Variants in SORCS3 observed in about 807,000 individuals in gnomAD.
SORCS3 encodes the protein sortilin related VPS10 domain containing receptor 3.
In SORCS3, 57 loss-of-function variants were observed where a neutral mutation model predicts 146.3. The ratio of observed to expected loss-of-function variants is 0.39; its 90% CI spans 0.31 to 0.49. The LOEUF is 0.49. SORCS3 is among the 20% of genes least tolerant of loss of function. The probability of loss-of-function intolerance (pLI) is 0.92; values close to 1 mark genes in which losing one functional copy is unlikely to be tolerated. For synonymous variants in SORCS3, 653 were observed against 618.5 expected, an observed-to-expected ratio of 1.06 and a Z score of -0.83; for missense variants, 1,341 against 1,575.5, an observed-to-expected ratio of 0.85 and a Z score of 2.52.
chr10:104,689,796 T>G (rs1304729917), intron 1 of SORCS3, among the ~76,000 whole-genome samples: 1 of 152,136 alleles, frequency 6.6e-6, no homozygotes, highest in African/African-American at 2.4e-5. Context: ...CAGTGAGGCA[T>G]GGAGAACAGA....
chr10:104,968,118 A>T (rs1209478213), intron 3 of SORCS3, among the ~76,000 whole-genome samples: 1 of 152,100 alleles, frequency 6.6e-6, no homozygotes, highest in Non-Finnish European at 1.5e-5. Context: ...ATGAGATAAC[A>T]GACTTGGGAT....
chr10:104,831,704 C>T (rs1057372084), intron 1 of SORCS3, among the ~76,000 whole-genome samples: 1 of 152,188 alleles, frequency 6.6e-6, no homozygotes, highest in East Asian at 1.9e-4. Context: ...TTTTGGGCAA[C>T]AACCTAGATA....
chr10:104,794,538 C>T (rs1161333609), intron 1 of SORCS3, among the ~76,000 whole-genome samples: 2 of 149,126 alleles, frequency 1.3e-5, no homozygotes, highest in Non-Finnish European at 3.0e-5. Flanking sequence ...GAAGAGCCTC[C>T]ATCAGAAGGA....
intron 1 of SORCS3, among the ~76,000 whole-genome samples, chr10:104,666,578 A>G (rs1404163840): frequency 6.6e-6 from 1 of 152,122 alleles, no homozygotes. Flanking sequence ...CTTCAGGGAA[A>G]TGGAATAATT....
chr10:104,708,617 G>A (rs910996432), intron 1 of SORCS3, among the ~76,000 whole-genome samples: 10 of 152,094 alleles, frequency 6.6e-5, no homozygotes, highest in Non-Finnish European at 2.9e-5. Flanking sequence ...TGGGGAGTTG[G>A]GTCATAAATC....
chr10:104,781,892 C>G (rs1315732786), intron 1 of SORCS3, among the ~76,000 whole-genome samples: 1 of 152,204 alleles, frequency 6.6e-6, no homozygotes, highest in Non-Finnish European at 1.5e-5. Flanking sequence ...GTTCTGCCAT[C>G]ATTTGCTCAC....
chr10:104,686,029 G>A (rs542363497), intron 1 of SORCS3, among the ~76,000 whole-genome samples: 1 of 152,326 alleles, frequency 6.6e-6, no homozygotes, highest in East Asian at 1.9e-4. Flanking sequence ...TGGGGTGGGA[G>A]AGAGGGAGCT....
chr10:104,795,743 A>G (rs1344092950), intron 1 of SORCS3, among the ~76,000 whole-genome samples: 1 of 152,224 alleles, frequency 6.6e-6, no homozygotes. Context: ...GAGACCAGAG[A>G]TGATGGGAGC....
At chr10:105,105,309 C>A in intron 6 of SORCS3, 88 bp from the exon 7 acceptor site, 1 of 726,214 alleles carries the variant, frequency 1.4e-6, no homozygotes, top group South Asian at 1.7e-5. Context: ...CTTGTTGATT[C>A]CCCCATGAAG....
rs148419822 is a variant in SORCS3 at position 105,019,632 on chromosome 10, A to G, written c.955-23423A>G. Among the ~76,000 whole-genome samples, 172 of 152,202 alleles carry G rather than the reference A, an allele frequency of 1.1e-3. 1 individual carries two copies. Among genetic ancestry groups the G allele is most frequent in the African/African-American group, 4.0e-3 (166 of 41,512 alleles). ...TTCCTCTCTTCCTTTCATCTAATCA[A>G]TGTTAAGCGTGGCTATTTATCAAGT... On this transcript the variant is annotated intron_variant, in intron 4 of 26. Transcript: ENST00000369701.
Position 105,073,184 on chromosome 10 carries a change from T to C in SORCS3, c.1029-16591T>C, listed in dbSNP as rs535044302. Among the ~76,000 whole-genome samples the C allele has an allele frequency of 8.5e-5, 13 of 152,198 alleles. No homozygotes were observed. In the South Asian group the frequency reaches 2.7e-3, roughly 32 times the overall value. ...ACAGGAAAGGACCAGTGATGATTAA[T>C]TGGAGCTGGCTGTTGTTCAGATCAG... On this transcript the variant is annotated intron_variant, in intron 5 of 26. Coordinates refer to ENST00000369701, the MANE Select transcript of SORCS3 (RefSeq NM_014978.3).
intron 7 of SORCS3, among the ~76,000 whole-genome samples, chr10:105,134,003 T>C (rs921666601): frequency 2.0e-5 from 3 of 152,088 alleles, no homozygotes; most frequent in Non-Finnish European, 4.4e-5. Flanking sequence ...AAACAGATTT[T>C]CCGGGAATGC....
intron 3 of SORCS3, among the ~76,000 whole-genome samples, chr10:104,937,146 G>T (rs1475418171): frequency 1.3e-5 from 2 of 152,170 alleles, no homozygotes; most frequent in African/African-American, 2.4e-5. Context: ...TCACAGGAGG[G>T]TTCATGCTCC....
chr10:105,033,480 C>T (rs2055284086), intron 4 of SORCS3, among the ~76,000 whole-genome samples: 1 of 152,118 alleles, frequency 6.6e-6, no homozygotes, highest in South Asian at 2.1e-4. Flanking sequence ...ATTCTCTGAT[C>T]CTATGTTGTT....
At chr10:105,081,302 A>G (rs1376572033) in intron 5 of SORCS3, among the ~76,000 whole-genome samples, 1 of 152,188 alleles carries the variant, frequency 6.6e-6, no homozygotes, top group Non-Finnish European at 1.5e-5. Flanking sequence ...GAAGAAAAAC[A>G]CAAAGGATCT....
In SORCS3 at chr10:104,656,739, G is replaced by A. The variant is rs533114654; in HGVS notation, c.627+14785G>A. Among the ~76,000 whole-genome samples the A allele has an allele frequency of 6.9e-3, 1,049 of 152,240 alleles. 4 individuals are homozygous for A. Among genetic ancestry groups the A allele is most frequent in the Middle Eastern group, 0.014 (4 of 294 alleles). The stretch of plus-strand genomic sequence containing the variant: ...GTTTATAGTAGGAGAGTGATAAAAT[G>A]ATAAAATTAAATGTACATTAAAAAA... On this transcript the variant is annotated intron_variant, in intron 1 of 26. Coordinates refer to ENST00000369701, the MANE Select transcript of SORCS3 (RefSeq NM_014978.3).
chr10:104,691,515 C>G (rs1022501651), intron 1 of SORCS3, among the ~76,000 whole-genome samples: 3 of 152,190 alleles, frequency 2.0e-5, no homozygotes, highest in African/African-American at 7.2e-5. Flanking sequence ...TTCATCTTCC[C>G]TGTCTTGTCT....
chr10:104,701,681 G>A (rs1031055777), intron 1 of SORCS3, among the ~76,000 whole-genome samples: 39 of 152,170 alleles, frequency 2.6e-4, no homozygotes, highest in African/African-American at 8.4e-4. Flanking sequence ...CTTTCTCACT[G>A]ATTGCTAATC....
intron 6 of SORCS3, among the ~76,000 whole-genome samples, chr10:105,097,303 C>A (rs1276349134): frequency 6.6e-6 from 1 of 152,216 alleles, no homozygotes; most frequent in Non-Finnish European, 1.5e-5. Context: ...CAGGGCAAAG[C>A]CAACCAGTTT....
Sources: gnomAD v4.1 joint callset for allele counts (sites outside exome capture counted in the v4.1 genomes callset) on GRCh38, gnomAD v4.1.1 for gene constraint, MANE v1.5 for transcripts, NCBI Gene and HGNC (gene_info 2026-07-23, HGNC 2026-07-21) for gene names.